The following USP25 variants were observed in gnomAD, a reference collection of about 807,000 sequenced individuals.
USP25 encodes the protein ubiquitin specific peptidase 25.
In USP25, 85 loss-of-function variants were observed where a neutral mutation model predicts 158.5. That is an observed-to-expected ratio of 0.54 (90% CI 0.45 to 0.64). The LOEUF is 0.64. Among genes scored for constraint, USP25 ranks in the 30% least tolerant of loss-of-function variants. The pLI is 0.00. For synonymous variants in USP25, 464 were observed against 460.4 expected (o/e 1.01, Z -0.10); for missense variants, 1,242 against 1,327.3 (o/e 0.94, Z 1.00).
At chr21:15,828,423 A>G (rs757441910) in intron 14 of USP25, among the ~76,000 whole-genome samples, 1 of 152,186 alleles carries the variant, frequency 6.6e-6, no homozygotes, top group African/African-American at 2.4e-5. Context: ...GGAGGGAAGA[A>G]GTGAATGTAC....
intron 10 of USP25, 132 bp from the exon 11 acceptor site, chr21:15,823,906 AC>A: frequency 1.2e-6 from 1 of 844,734 alleles, no homozygotes; most frequent in Non-Finnish European, 1.8e-6. Flanking sequence ...TAAACTGTGT[AC>A]CCAGTTACTT....
At chr21:15,762,806 G>T in intron 1 of USP25, 85 bp from the exon 2 acceptor site, 4 of 1,275,082 alleles carry the variant, frequency 3.1e-6, no homozygotes, top group Admixed American at 4.8e-5. Flanking sequence ...TGTTTGTTTT[G>T]GAAAACCAAA....
chr21:15,792,019 T>C (rs2035615901), intron 5 of USP25, among the ~76,000 whole-genome samples: 1 of 151,730 alleles, frequency 6.6e-6, no homozygotes. Flanking sequence ...TGGCTTTCTG[T>C]GGGTCAGATC....
chr21:15,818,575 C>A, intron 9 of USP25, 123 bp from the exon 10 acceptor site: 1 of 808,354 alleles, frequency 1.2e-6, no homozygotes, highest in Non-Finnish European at 1.9e-6. Context: ...AACACTAACA[C>A]TTCTCAGGAA....
chr21:15,731,323 T>A (rs2030874431), intron 1 of USP25, among the ~76,000 whole-genome samples: 1 of 152,172 alleles, frequency 6.6e-6, no homozygotes, highest in South Asian at 2.1e-4. Flanking sequence ...GTGAAAAGCA[T>A]TTTGGGCAAA....
At chr21:15,859,591 G>A (rs368800370) in intron 20 of USP25, among the ~76,000 whole-genome samples, 6 of 152,068 alleles carry the variant, frequency 3.9e-5, no homozygotes, top group African/African-American at 9.7e-5. Flanking sequence ...CGAAAACATC[G>A]TGGGCTTGAT....
At chr21:15,748,522 A>G (rs1035814151) in intron 1 of USP25, among the ~76,000 whole-genome samples, 3 of 134,910 alleles carry the variant, frequency 2.2e-5, no homozygotes, top group African/African-American at 8.7e-5. Context: ...CTGGTCTTGA[A>G]TTCCTGGTGT....
chr21:15,784,069 G>A (rs187587142), intron 4 of USP25, among the ~76,000 whole-genome samples: 305 of 152,186 alleles, frequency 2.0e-3, no homozygotes, highest in Non-Finnish European at 3.2e-3. Flanking sequence ...AACACTTAGA[G>A]GAAATAATAG....
intron 3 of USP25, among the ~76,000 whole-genome samples, chr21:15,776,930 TAA>T: frequency 6.6e-6 from 1 of 152,154 alleles, no homozygotes; most frequent in East Asian, 1.9e-4. Context: ...CATGCAAAGA[TAA>T]TAACAGATAG....
intron 3 of USP25, among the ~76,000 whole-genome samples, chr21:15,773,668 T>C (rs1177864344): frequency 2.0e-5 from 3 of 152,182 alleles, no homozygotes; most frequent in African/African-American, 7.2e-5. Context: ...GTGATTCTTG[T>C]TATTTTTGCT....
chr21:15,755,375 C>T (rs1219107481), intron 1 of USP25, among the ~76,000 whole-genome samples: 1 of 152,160 alleles, frequency 6.6e-6, no homozygotes, highest in African/African-American at 2.4e-5. Context: ...CCTTTGTTGT[C>T]AGTGGTGCTT....
chr21:15,800,536 TAAAA>T (rs377342923), intron 6 of USP25, among the ~76,000 whole-genome samples: 17 of 138,900 alleles, frequency 1.2e-4, no homozygotes, highest in African/African-American at 4.5e-4. Flanking sequence ...TAAAAAAAAT[TAAAA>T]AAAAAAAAAG....
At chr21:15,771,147 C>T (rs2034328015) in intron 3 of USP25, among the ~76,000 whole-genome samples, 1 of 152,144 alleles carries the variant, frequency 6.6e-6, no homozygotes, top group Non-Finnish European at 1.5e-5. Flanking sequence ...TGCAGAGCCT[C>T]AGTTTACATA....
At chr21:15,805,387 AT>A in intron 7 of USP25, 129 bp downstream of exon 7, 1 of 917,154 alleles carries the variant, frequency 1.1e-6, no homozygotes, top group East Asian at 3.2e-5. Context: ...ACCTGGAACC[AT>A]TTAAAACATT....
intron 20 of USP25, among the ~76,000 whole-genome samples, chr21:15,854,561 G>C (rs554842842): frequency 1.3e-5 from 2 of 152,132 alleles, no homozygotes; most frequent in Non-Finnish European, 2.9e-5. Flanking sequence ...CTCTGTGCCT[G>C]TTTAGGTACT....
intron 5 of USP25, chr21:15,799,465 CTT>C (rs1255490576): frequency 1.5e-5 from 3 of 194,744 alleles, no homozygotes; most frequent in Non-Finnish European, 1.1e-5. Flanking sequence ...TTTGCATACT[CTT>C]TATTTTGAGG....
chr21:15,762,368 C>G (rs1007692259), intron 1 of USP25, among the ~76,000 whole-genome samples: 1 of 152,014 alleles, frequency 6.6e-6, no homozygotes, highest in African/African-American at 2.4e-5. Context: ...AGGCCAATAG[C>G]ATATAAAGAA....
At chr21:15,768,006 G>A (rs1449718578) in intron 3 of USP25, among the ~76,000 whole-genome samples, 1 of 152,054 alleles carries the variant, frequency 6.6e-6, no homozygotes. Flanking sequence ...GGAGAAGGCA[G>A]CCTAATTTCA....
rs1248608761 is a variant in USP25 at position 15,816,662 on chromosome 21, T to C, written c.932-2036T>C. Among the ~76,000 whole-genome samples, 1 of 152,214 alleles carries C rather than the reference T, an allele frequency of 6.6e-6. No homozygotes were observed. The highest frequency in any genetic ancestry group is 1.5e-5 in the Non-Finnish European group (1 of 68,038). On this transcript the variant is annotated intron_variant, in intron 9 of 25. Coordinates refer to ENST00000400183, the MANE Select transcript of USP25 (RefSeq NM_001283041.3). This position sits in a 1 kb window ranked among gnomAD's most constrained non-coding sequence, Gnocchi z 4.0. ...CATTCAGTGCCTTAATTTCCTGCTGTCAATAAGCCAGCAATTCTATCTTTA... is the reference window on the plus strand; with the variant it reads ...CATTCAGTGCCTTAATTTCCTGCTGCCAATAAGCCAGCAATTCTATCTTTA...
Sources: gnomAD v4.1 joint callset for allele counts (sites outside exome capture counted in the v4.1 genomes callset) on GRCh38, gnomAD v4.1.1 for gene constraint, Gnocchi (gnomAD v3.1) non-coding constraint, MANE v1.5 for transcripts, NCBI Gene and HGNC (gene_info 2026-07-23, HGNC 2026-07-21) for gene names.